The following UPRT variants were observed in gnomAD, a reference collection of about 807,000 sequenced individuals.
The protein encoded by UPRT is uracil phosphoribosyltransferase homolog.
In UPRT, 5 loss-of-function variants were observed where a neutral mutation model predicts 22.6. The observed-to-expected ratio is 0.22, with a 90% CI of 0.12 to 0.47. The LOEUF is 0.47. Among genes scored for constraint, UPRT ranks in the 20% least tolerant of loss-of-function variants. UPRT has a pLI of 0.99. For missense variants in UPRT, 181 were observed against 239.9 expected (o/e 0.75, Z 1.62); for synonymous variants, 77 against 87.7 (o/e 0.88, Z 0.68).
Position 75,191,131 on chromosome X carries a change from G to T in UPRT, c.-447+23252G>T, listed in dbSNP as rs1479435213. Among the ~76,000 whole-genome samples, 5 of 111,733 alleles carry T rather than the reference G, an allele frequency of 4.5e-5. No individual in the cohort carries two copies. In the East Asian group the frequency reaches 1.4e-3, roughly 31 times the overall value. ...GTTTTATCTACCTTTGATCTTTGAT[G>T]ATGGCGACGTACAGATGGGGTTTTG... On this transcript the variant is annotated intron_variant, in intron 4 of 13. Transcript: ENST00000652605.
chrX:75,176,332 G>A (rs979273941), intron 4 of UPRT, among the ~76,000 whole-genome samples: 5 of 110,962 alleles, frequency 4.5e-5, no homozygotes, highest in Admixed American at 2.9e-4. Context: ...TGAGATACCA[G>A]GTATCTCCAA....
chrX:75,274,482 A>G lies in UPRT; in HGVS notation c.228A>G (p.Ser76=). The stretch of plus-strand genomic sequence containing the variant: ...CCTGCGGCGGCTCCAGCCTCAACTC[A>G]GAGGGCAACAGTGGTAGTGGTGACA... ...SGACGGSSLN[S]EGNSGSGDSS... Residue 76 remains serine, a synonymous_variant, in exon 1 of 7, where the codon TCA becomes TCG. Transcript: ENST00000373383. 1 of 1,211,469 alleles carries G rather than the reference A, an allele frequency of 8.3e-7. No individual in the cohort carries two copies. The highest frequency in any genetic ancestry group is 3.0e-5 in the East Asian group (1 of 33,790).
intron 4 of UPRT, among the ~76,000 whole-genome samples, chrX:75,254,761 C>CTTTTT (rs34395700): frequency 2.3e-4 from 11 of 47,947 alleles, no homozygotes; most frequent in African/African-American, 3.6e-4. Context: ...AGGAAAGAAT[C>CTTTTT]TTTTTTTTTT....
intron 4 of UPRT, among the ~76,000 whole-genome samples, chrX:75,259,807 T>A (rs1484867094): frequency 7.3e-5 from 8 of 110,337 alleles, no homozygotes. Context: ...ACATAATAGA[T>A]TCACCAAGGT....
chrX:75,202,281 T>C (rs2082349376), intron 4 of UPRT, among the ~76,000 whole-genome samples: 1 of 110,950 alleles, frequency 9.0e-6, no homozygotes, highest in Non-Finnish European at 1.9e-5. Flanking sequence ...ACTCACACTA[T>C]CCATGAAGTG....
intron 4 of UPRT, among the ~76,000 whole-genome samples, chrX:75,195,450 T>A (rs1292643957): frequency 9.0e-6 from 1 of 111,177 alleles, no homozygotes; most frequent in Non-Finnish European, 1.9e-5. Flanking sequence ...CAATGTAAGG[T>A]TTGGGGGGTG....
At chrX:75,176,277 G>A (rs1040653230) in intron 4 of UPRT, among the ~76,000 whole-genome samples, 39 of 111,344 alleles carry the variant, frequency 3.5e-4, no homozygotes, top group African/African-American at 1.2e-3. Flanking sequence ...TGACCAGTAG[G>A]GAATTTGTCC....
intron 4 of UPRT, among the ~76,000 whole-genome samples, chrX:75,172,691 G>A (rs1318522210): frequency 1.8e-5 from 2 of 110,771 alleles, no homozygotes; most frequent in East Asian, 2.8e-4. Context: ...TGGTGGGTTC[G>A]TGGTCTCGCT....
chrX:75,257,441 C>G (rs146037764), intron 4 of UPRT, among the ~76,000 whole-genome samples: 1,972 of 111,562 alleles, frequency 0.018, 47 homozygotes, highest in African/African-American at 0.061. Context: ...TGAAAACATT[C>G]TCTCTGAGAA....
chrX:75,239,629 C>G (rs1208678032), intron 4 of UPRT, among the ~76,000 whole-genome samples: 1 of 110,649 alleles, frequency 9.0e-6, no homozygotes, highest in Admixed American at 9.7e-5. Flanking sequence ...ATACCAAAAC[C>G]AGGAAAGGAT....
At chrX:75,183,199 T>G (rs1301298842) in intron 4 of UPRT, among the ~76,000 whole-genome samples, 1 of 109,390 alleles carries the variant, frequency 9.1e-6, no homozygotes, top group Non-Finnish European at 1.9e-5. Context: ...CAAGCCCTGG[T>G]GTGTGATGTT....
At position 75,175,729 on chromosome X, in the gene UPRT, CTT is replaced by C. The variant is rs776445823; in HGVS notation, c.-447+7855_-447+7856del. 3.6e-5 allele frequency among the ~76,000 whole-genome samples: 4 copies of C among 111,567 alleles called. No individual in the cohort carries two copies. In the East Asian group the frequency reaches 1.1e-3, roughly 32 times the overall value. ...GGCAGCTTGTTTCTCATTGGACAAT[CTT>C]TTTTAAAGTGTCCTAGTAAACCACA... On this transcript the variant is annotated intron_variant, in intron 4 of 13. Coordinates refer to the UPRT transcript ENST00000652605.
At chrX:75,166,867 C>T (rs2082214545) in intron 3 of UPRT, among the ~76,000 whole-genome samples, 1 of 112,260 alleles carries the variant, frequency 8.9e-6, no homozygotes, top group Non-Finnish European at 1.9e-5. Context: ...TTAATCTTCT[C>T]TTTGTGATCC....
chrX:75,250,405 A>G (rs2082524707), intron 4 of UPRT, among the ~76,000 whole-genome samples: 2 of 111,378 alleles, frequency 1.8e-5, no homozygotes, highest in African/African-American at 6.5e-5. Flanking sequence ...CAGAAATACA[A>G]ACTACCATGA....
At chrX:75,302,216 G>T (rs1216565481) in intron 6 of UPRT, among the ~76,000 whole-genome samples, 1 of 111,087 alleles carries the variant, frequency 9.0e-6, no homozygotes, top group African/African-American at 3.3e-5. Flanking sequence ...ATTACTTGTA[G>T]TTCAAATGTT....
chrX:75,159,248 G>T (rs1411248981), intron 1 of UPRT, among the ~76,000 whole-genome samples: 1 of 111,867 alleles, frequency 8.9e-6, no homozygotes, highest in African/African-American at 3.2e-5. Context: ...ATTTCACTTA[G>T]CATGATGACC....
At chrX:75,191,415 T>C (rs2082314541) in intron 4 of UPRT, among the ~76,000 whole-genome samples, 1 of 111,888 alleles carries the variant, frequency 8.9e-6, no homozygotes, top group Non-Finnish European at 1.9e-5. Flanking sequence ...GTTAGGCTAC[T>C]CGGGGGTGAG....
At chrX:75,203,492 ACACACACACACACACACACACACT>A (rs1385800439) in intron 4 of UPRT, among the ~76,000 whole-genome samples, 3 of 104,088 alleles carry the variant, frequency 2.9e-5, no homozygotes, top group African/African-American at 1.1e-4. Flanking sequence ...ACACACACAC[ACACACACACACACACACACACACT>A]CACACACACA....
At chrX:75,202,050 T>C (rs2082348537) in intron 4 of UPRT, among the ~76,000 whole-genome samples, 2 of 111,788 alleles carry the variant, frequency 1.8e-5, no homozygotes, top group African/African-American at 6.5e-5. Flanking sequence ...GGCACTTGGA[T>C]TCACATAACA....
Sources: allele counts gnomAD v4.1 joint callset (sites outside exome capture counted in the v4.1 genomes callset), GRCh38; gene constraint gnomAD v4.1.1; transcripts MANE v1.5; gene names NCBI Gene and HGNC (gene_info 2026-07-23, HGNC 2026-07-21).